Variants in C8orf34 observed in about 807,000 individuals in gnomAD.
C8orf34 encodes the protein uncharacterized protein C8orf34.
In C8orf34, 65 loss-of-function variants were observed where a neutral mutation model predicts 68.3. The ratio of observed to expected loss-of-function variants is 0.95; its 90% CI spans 0.78 to 1.17. The LOEUF (loss-of-function observed/expected upper bound fraction) is 1.17, where lower values mean the gene tolerates loss of function less well. C8orf34 is among the 50% of genes most tolerant of loss of function. C8orf34 has a pLI of 0.00. For synonymous variants in C8orf34, 244 were observed against 241.2 expected (o/e 1.01, Z -0.11); for missense variants, 664 against 655.4 (o/e 1.01, Z -0.14).
At chr8:68,461,899 C>T (rs1811849746) in intron 3 of C8orf34, among the ~76,000 whole-genome samples, 1 of 150,700 alleles carries the variant, frequency 6.6e-6, no homozygotes, top group Admixed American at 6.6e-5. Context: ...AGCAAAATAA[C>T]AGCTAACATC....
intron 12 of C8orf34, among the ~76,000 whole-genome samples, chr8:68,796,017 C>T (rs970124561): frequency 2.6e-5 from 4 of 152,114 alleles, no homozygotes; most frequent in Non-Finnish European, 4.4e-5. Context: ...CTGAGGGTGC[C>T]GCATTTGGGA....
intron 7 of C8orf34, among the ~76,000 whole-genome samples, chr8:68,544,540 G>C (rs1815806458): frequency 6.6e-6 from 1 of 152,070 alleles, no homozygotes; most frequent in African/African-American, 2.4e-5. Context: ...TCCTTAAAAA[G>C]AATCAACAGA....
intron 5 of C8orf34, among the ~76,000 whole-genome samples, chr8:68,515,902 G>A (rs7822332): frequency 0.18 from 26,964 of 152,134 alleles, 5,025 homozygotes; most frequent in African/African-American, 0.47. Context: ...AGAGCTAGTG[G>A]GAAAAGAGCT....
chr8:68,807,334 A>G (rs563972907), intron 12 of C8orf34, among the ~76,000 whole-genome samples: 19 of 152,310 alleles, frequency 1.2e-4, no homozygotes, highest in African/African-American at 3.8e-4. Flanking sequence ...TATATGCAAA[A>G]TAATTCCCCT....
At chr8:68,589,561 G>A (rs867783609) in intron 7 of C8orf34, among the ~76,000 whole-genome samples, 4 of 143,272 alleles carry the variant, frequency 2.8e-5, no homozygotes, top group Non-Finnish European at 4.6e-5. Context: ...TGAAGGAAGG[G>A]AGAGAGAAAG....
intron 12 of C8orf34, among the ~76,000 whole-genome samples, chr8:68,813,106 C>T (rs923866505): frequency 3.9e-5 from 6 of 152,152 alleles, no homozygotes; most frequent in African/African-American, 1.4e-4. Context: ...ATGGCGTTAT[C>T]CTCAAGAAGA....
At chr8:68,419,080 C>T (rs1809817864) in intron 1 of C8orf34, among the ~76,000 whole-genome samples, 1 of 151,818 alleles carries the variant, frequency 6.6e-6, no homozygotes, top group South Asian at 2.1e-4. Context: ...GCAACCTGCT[C>T]ATCTGACAAA....
In C8orf34 at chr8:68,653,887, G is replaced by A. The variant is rs186936880; in HGVS notation, c.1241+13376G>A. Among the ~76,000 whole-genome samples, 729 of 152,200 alleles carry A rather than the reference G, an allele frequency of 4.8e-3. 6 individuals are homozygous for A. The highest frequency in any genetic ancestry group is 0.016 in the African/African-American group (680 of 41,522). ...TGGTGCATATTGCCAACTACTGAGA[G>A]AAGGGCCTGATTTTAAATAGAAATG... On this transcript the variant is annotated intron_variant, in intron 8 of 13. Transcript: ENST00000518698.
intron 12 of C8orf34, among the ~76,000 whole-genome samples, chr8:68,803,651 C>T (rs16935087): frequency 0.24 from 36,538 of 151,852 alleles, 4,800 homozygotes; most frequent in East Asian, 0.47. Context: ...CAGGAAAAAT[C>T]TAAACAATTG....
chr8:68,625,550 A>G (rs1818514214), intron 7 of C8orf34: 5 of 696,816 alleles, frequency 7.2e-6, no homozygotes, highest in Admixed American at 2.0e-5. Context: ...TGAGAACAGC[A>G]TGTGAATTCC....
At chr8:68,482,948 T>C (rs748878106) in intron 4 of C8orf34, among the ~76,000 whole-genome samples, 14 of 151,338 alleles carry the variant, frequency 9.3e-5, no homozygotes, top group Middle Eastern at 3.4e-3. Flanking sequence ...AAGAAAGAAT[T>C]GGGGAGTCTA....
intron 9 of C8orf34, among the ~76,000 whole-genome samples, chr8:68,718,334 A>G (rs9657036): frequency 0.025 from 3,837 of 152,180 alleles, 154 homozygotes; most frequent in African/African-American, 0.085. Context: ...ATCTTTACCT[A>G]TATATATCCT....
chr8:68,518,682 G>T (rs1054972140), intron 5 of C8orf34, among the ~76,000 whole-genome samples: 5 of 152,226 alleles, frequency 3.3e-5, no homozygotes, highest in Middle Eastern at 3.4e-3. Flanking sequence ...TGGATCACAA[G>T]GTCAAGAGAT....
At chr8:68,785,598 G>GTCC (rs1443640876) in intron 11 of C8orf34, among the ~76,000 whole-genome samples, 23 of 152,126 alleles carry the variant, frequency 1.5e-4, no homozygotes, top group African/African-American at 4.8e-4. Context: ...TCCCCCTTCA[G>GTCC]TGAGGTTGTT....
At chr8:68,638,295 G>A (rs1388233304) in intron 7 of C8orf34, among the ~76,000 whole-genome samples, 3 of 150,510 alleles carry the variant, frequency 2.0e-5, no homozygotes, top group Middle Eastern at 3.5e-3. Context: ...GATTATCTGA[G>A]TAAAGCTAGA....
In C8orf34 at chr8:68,776,546, C is replaced by A. The variant is rs576272553; in HGVS notation, c.1455+97C>A. ...CTTTCTCCATCTACTTGTAGGGTTT[C>A]TAGTCTGTATGTGTTCAATGGTCAT... is the stretch of plus-strand genomic sequence containing the variant. On this transcript the variant is annotated intron_variant, in intron 11 of 13. Transcript: ENST00000518698. The A allele has an allele frequency of 1.8e-4, 170 of 940,596 alleles. 2 individuals carry two copies. The South Asian group carries it at 2.4e-3, about 13-fold the overall frequency. The allele number at this position is 940,596 out of a possible 1,614,324, so 58.3% of individuals were successfully genotyped here. A position where few individuals can be genotyped will look rare whatever the true frequency, so the allele number is the denominator to read the frequency against.
chr8:68,540,471 C>T (rs1454764617), intron 7 of C8orf34, among the ~76,000 whole-genome samples: 4 of 151,688 alleles, frequency 2.6e-5, no homozygotes, highest in Non-Finnish European at 5.9e-5. Context: ...AGCGCTTTTT[C>T]ACTTCTTAAG....
At chr8:68,360,264 T>C (rs1340346026) in intron 1 of C8orf34, among the ~76,000 whole-genome samples, 4 of 152,170 alleles carry the variant, frequency 2.6e-5, no homozygotes, top group Admixed American at 6.6e-5. Flanking sequence ...CCCCATGAAA[T>C]GGTCCCAACC....
chr8:68,805,990 T>G (rs1824469169), intron 12 of C8orf34, among the ~76,000 whole-genome samples: 1 of 152,092 alleles, frequency 6.6e-6, no homozygotes, highest in African/African-American at 2.4e-5. Flanking sequence ...GAAGGTTATA[T>G]ACTCTTTTAA....
Sources: allele counts gnomAD v4.1 joint callset (sites outside exome capture counted in the v4.1 genomes callset), GRCh38; gene constraint gnomAD v4.1.1; transcripts MANE v1.5; gene names NCBI Gene and HGNC (gene_info 2026-07-23, HGNC 2026-07-21).